SAMD3: variants seen among roughly 807,000 people sequenced by gnomAD.
SAMD3 encodes sterile alpha motif domain containing 3, also known as sterile alpha motif domain-containing protein 3.
In SAMD3, 63 loss-of-function variants were observed where a neutral mutation model predicts 58.5. That is an observed-to-expected ratio of 1.08 (90% CI 0.88 to 1.33). SAMD3 has a LOEUF of 1.33. SAMD3 is among the 40% of genes most tolerant of loss of function. The probability of loss-of-function intolerance (pLI) is 0.00; values close to 1 mark genes in which losing one functional copy is unlikely to be tolerated. For synonymous variants in SAMD3, 220 were observed against 210.3 expected (o/e 1.05, Z -0.40); for missense variants, 604 against 608.4 (o/e 0.99, Z 0.08).
intron 8 of SAMD3, among the ~76,000 whole-genome samples, chr6:130,157,237 A>G (rs1562376661): frequency 6.6e-6 from 1 of 152,112 alleles, no homozygotes; most frequent in Non-Finnish European, 1.5e-5. Flanking sequence ...TAACGCAGAA[A>G]AAGTATCTTA....
chr6:130,365,433 G>T, upstream of SAMD3: 1 of 985,502 alleles, frequency 1.0e-6, no homozygotes, highest in Non-Finnish European at 1.2e-6. Context: ...TTTCCGGCCA[G>T]GTTTGGTTTA....
intron 1 of SAMD3, among the ~76,000 whole-genome samples, chr6:130,350,022 C>A (rs896700376): frequency 4.6e-5 from 7 of 152,106 alleles, no homozygotes; most frequent in Non-Finnish European, 1.0e-4. Context: ...AATTCAACAG[C>A]CCTTCATACT....
chr6:130,165,671 G>A (rs1790676487), intron 8 of SAMD3, among the ~76,000 whole-genome samples: 4 of 151,960 alleles, frequency 2.6e-5, no homozygotes, highest in Non-Finnish European at 4.4e-5. Flanking sequence ...ATCAAAGTCA[G>A]CTTTTTTTTT....
chr6:130,251,248 A>G (rs77006128), intron 2 of SAMD3, among the ~76,000 whole-genome samples: 1 of 151,630 alleles, frequency 6.6e-6, no homozygotes, highest in African/African-American at 2.4e-5. Flanking sequence ...GTCTGTTTAA[A>G]CTCTTTGCCC....
chr6:130,220,254 C>A (rs56728153), intron 1 of SAMD3, among the ~76,000 whole-genome samples: 1 of 152,126 alleles, frequency 6.6e-6, no homozygotes, highest in South Asian at 2.1e-4. Flanking sequence ...CCTGCCTCGG[C>A]CCCCCAGAGT....
intron 2 of SAMD3, among the ~76,000 whole-genome samples, chr6:130,233,635 A>C (rs374857862): frequency 6.6e-6 from 1 of 152,160 alleles, no homozygotes; most frequent in South Asian, 2.1e-4. Flanking sequence ...CTGAAAGGTG[A>C]TATTTGTTCT....
intron 2 of SAMD3, among the ~76,000 whole-genome samples, chr6:130,264,503 T>C (rs564971744): frequency 3.3e-5 from 5 of 152,308 alleles, no homozygotes; most frequent in African/African-American, 1.2e-4. Context: ...GCACTTGTGC[T>C]TTAGTCCATG....
chr6:130,217,746 AC>A lies in SAMD3; in HGVS notation c.-67-1131del, dbSNP rs575736254. 4.1e-3 allele frequency among the ~76,000 whole-genome samples: 631 copies of A among 152,324 alleles called. 7 individuals carry two copies. The highest frequency in any genetic ancestry group is 0.014 in the African/African-American group (593 of 41,570). On this transcript the variant is annotated intron_variant, in intron 1 of 11. Coordinates refer to ENST00000439090, the MANE Select transcript of SAMD3 (RefSeq NM_001017373.4). ...GAGCACTTTTTAAGAAAATATGAAAACTTTTTGTCATCTTTCTTTCTATTTG... is the reference window on the plus strand; with the variant it reads ...GAGCACTTTTTAAGAAAATATGAAAATTTTTGTCATCTTTCTTTCTATTTG...
At chr6:130,188,112 A>G (rs1375277472) in intron 5 of SAMD3, among the ~76,000 whole-genome samples, 1 of 152,248 alleles carries the variant, frequency 6.6e-6, no homozygotes, top group African/African-American at 2.4e-5. Context: ...TGGCATTTTC[A>G]TAAAAAAGCT....
At chr6:130,220,396 T>C (rs1236033002) in intron 1 of SAMD3, among the ~76,000 whole-genome samples, 22 of 152,250 alleles carry the variant, frequency 1.4e-4, no homozygotes, top group Admixed American at 1.4e-3. Context: ...CCCAGAACTT[T>C]GGAACTTTTG....
At position 130,150,883 on chromosome 6, in the gene SAMD3, T is replaced by G. The variant is rs548940473; in HGVS notation, c.1023+3942A>C. On this transcript the variant is annotated intron_variant, in intron 9 of 11. Coordinates refer to ENST00000439090, the MANE Select transcript of SAMD3 (RefSeq NM_001017373.4). ...TGTGCCACCACACCCGGCTAATTTT[T>G]GTATTTTTAGTAGAGACAGGGTTTC... Among the ~76,000 whole-genome samples the G allele has an allele frequency of 2.6e-5, 4 of 152,036 alleles. 1 individual carries two copies. The South Asian group carries it at 8.3e-4, about 32-fold the overall frequency.
At chr6:130,332,189 A>G (rs1039095859) in intron 1 of SAMD3, among the ~76,000 whole-genome samples, 4 of 152,222 alleles carry the variant, frequency 2.6e-5, no homozygotes, top group Non-Finnish European at 4.4e-5. Context: ...AGGGAAAGTT[A>G]TGAGATGAAT....
intron 8 of SAMD3, chr6:130,162,238 G>A (rs963060847): frequency 1.4e-6 from 1 of 701,632 alleles, no homozygotes; most frequent in Non-Finnish European, 2.6e-6. Flanking sequence ...TGTAATAGCA[G>A]AGCATAGTTC....
intron 2 of SAMD3, among the ~76,000 whole-genome samples, chr6:130,307,722 G>A (rs1264369087): frequency 6.6e-6 from 1 of 152,116 alleles, no homozygotes; most frequent in African/African-American, 2.4e-5. Context: ...GTTAGAATAA[G>A]CTTTTAAAAG....
rs544178955 is a variant in SAMD3, at chr6:130,189,090, T to A, written c.384-4467A>T. On this transcript the variant is annotated intron_variant, in intron 5 of 11. Coordinates refer to ENST00000439090, the MANE Select transcript of SAMD3 (RefSeq NM_001017373.4). The stretch of plus-strand genomic sequence containing the variant: ...TCAACAAATCCAAAATAATTCACAA[T>A]CTTTAAAAAAACCAAAAAAAAAAAA... Among the ~76,000 whole-genome samples, 64 of 130,854 alleles carry A rather than the reference T, an allele frequency of 4.9e-4. No homozygotes were observed. In the South Asian group the frequency reaches 0.013, roughly 27 times the overall value. The allele number at this position is 130,854 out of a possible 152,430, so 85.8% of individuals were successfully genotyped here.
chr6:130,266,623 C>T (rs1037578714), intron 2 of SAMD3, among the ~76,000 whole-genome samples: 1 of 152,130 alleles, frequency 6.6e-6, no homozygotes, highest in African/African-American at 2.4e-5. Flanking sequence ...CCATGTAGAT[C>T]CTCCCAGAGT....
At chr6:130,226,997 T>C (rs1796398131), upstream of SAMD3, among the ~76,000 whole-genome samples, 1 of 152,214 alleles carries the variant, frequency 6.6e-6, no homozygotes, top group South Asian at 2.1e-4. Context: ...TTAACCCTTT[T>C]TGAGGGTACA....
chr6:130,214,537 GA>G lies in SAMD3; in HGVS notation c.80-12del. ...CACTTACTTCTTCCTCTGGGAAAAAGAAAAAAAATTAGTTTCTACATGACTT... is the reference window on the plus strand; with the variant it reads ...CACTTACTTCTTCCTCTGGGAAAAAGAAAAAAATTAGTTTCTACATGACTT... On this transcript the variant is annotated splice_polypyrimidine_tract_variant and intron_variant, in intron 3 of 11. Coordinates refer to ENST00000439090, the MANE Select transcript of SAMD3 (RefSeq NM_001017373.4). 22 of 1,559,948 alleles carry G rather than the reference GA, an allele frequency of 1.4e-5. No homozygotes were observed. Among genetic ancestry groups the G allele is most frequent in the East Asian group, 6.9e-5 (3 of 43,396 alleles).
At chr6:130,245,009 T>A (rs2114900342) in intron 2 of SAMD3, among the ~76,000 whole-genome samples, 1 of 152,348 alleles carries the variant, frequency 6.6e-6, no homozygotes, top group East Asian at 1.9e-4. Context: ...TGTTCTGATG[T>A]GCTCGTGGGC....
Sources: allele counts gnomAD v4.1 joint callset (sites outside exome capture counted in the v4.1 genomes callset), GRCh38; gene constraint gnomAD v4.1.1; transcripts MANE v1.5; gene names NCBI Gene and HGNC (gene_info 2026-07-23, HGNC 2026-07-21).